Variants in ADAMTSL4 observed in about 807,000 individuals in gnomAD.
ADAMTSL4 encodes the protein ADAMTS-like protein 4.
In ADAMTSL4, 97 loss-of-function variants were observed where a neutral mutation model predicts 122.8. That is an observed-to-expected ratio of 0.79 (90% confidence interval 0.67 to 0.93). The LOEUF is 0.93. Among genes scored for constraint, ADAMTSL4 ranks in the 40% least tolerant of loss-of-function variants. ADAMTSL4 has a pLI of 0.00. For synonymous variants in ADAMTSL4, 592 were observed against 568.0 expected, an observed-to-expected ratio of 1.04 and a Z score of -0.60; for missense variants, 1,408 against 1,453.5, an observed-to-expected ratio of 0.97 and a Z score of 0.51.
chr1:150,559,543 C>A lies in ADAMTSL4; in HGVS notation c.2943+77C>A. 1 of 1,592,382 alleles carries A rather than the reference C, an allele frequency of 6.3e-7. No homozygotes were observed. The highest frequency in any genetic ancestry group is 8.6e-7 in the Non-Finnish European group (1 of 1,169,410). ...AGGGGAGCTCCTCTCGCTGTACCCC[C>A]TCCAGGTCTCTCTGTGCCCCAGAAT... On this transcript the variant is annotated intron_variant, in intron 17 of 18. Transcript: ENST00000271643. The surrounding 1 kb of genome is among the most constrained non-coding windows in gnomAD (Gnocchi z 4.1).
In ADAMTSL4 at chr1:150,550,490, G is replaced by A. The variant is rs1234812227; in HGVS notation, c.-85+595G>A. On this transcript the variant is annotated intron_variant, in intron 2 of 18. Transcript: ENST00000271643. ...GGGATTATGTGTACTGGGTAGACCCGTGGAGAGGGGCTGCGAGAAGAGATC... is the reference window on the plus strand; with the variant it reads ...GGGATTATGTGTACTGGGTAGACCCATGGAGAGGGGCTGCGAGAAGAGATC... 8 of 370,086 alleles carry A rather than the reference G, an allele frequency of 2.2e-5. No individual in the cohort carries two copies. The East Asian group carries it at 5.8e-4, about 27-fold the overall frequency. 22.9% of individuals were successfully genotyped at this position (370,086 alleles called of 1,614,324 possible).
Position 150,557,131 on chromosome 1 carries a change from C to CGCCT in ADAMTSL4, c.1862-16_1862-13dup. On this transcript the variant is annotated intron_variant, in intron 11 of 18. Coordinates refer to ENST00000271643, the MANE Select transcript of ADAMTSL4 (RefSeq NM_019032.6). ...CGGGGCAGTGGGGTGGCATCTGATTCGCCTGCTCCCCTGCACAGAGATTCT... is the reference window on the plus strand; with the variant it reads ...CGGGGCAGTGGGGTGGCATCTGATTCGCCTGCCTGCTCCCCTGCACAGAGATTCT... 6.2e-7 allele frequency: 1 copy of CGCCT among 1,612,820 alleles called. No individual in the cohort carries two copies. The highest frequency in any genetic ancestry group is 8.5e-7 in the Non-Finnish European group (1 of 1,179,868).
At chr1:150,550,755 C>T (rs1001041115) in intron 2 of ADAMTSL4, 6 of 456,242 alleles carry the variant, frequency 1.3e-5, no homozygotes, top group South Asian at 6.2e-5. Context: ...GAGTGGCCAT[C>T]GGCAACCCCC....
Position 150,553,548 on chromosome 1 carries a change from T to G in ADAMTSL4, c.557T>G (p.Ile186Ser), listed in dbSNP as rs777763049. 5.0e-6 allele frequency: 8 copies of G among 1,613,684 alleles called. No homozygotes were observed. The highest frequency in any genetic ancestry group is 5.9e-6 in the Non-Finnish European group (7 of 1,179,914). The change falls in exon 6 of 19, where the codon ATC becomes AGC. Residue 186 changes from isoleucine (I) to serine (S), a missense_variant. Physicochemically the swap from Ile to Ser is moderately radical, Grantham distance 142. Transcript: ENST00000271643. ...RSPPRSELSL[I>S]SSRGEEAIPS... ...CCACCCAGATCTGAGCTGTCCCTGA[T>G]CTCTTCTAGAGGGGAAGAGGCTATT...
In ADAMTSL4 at chr1:150,560,169, G is replaced by C; in HGVS notation, c.3198G>C (p.Leu1066=). 1 of 1,614,026 alleles carries C rather than the reference G, an allele frequency of 6.2e-7. No homozygotes were observed. Among genetic ancestry groups the C allele is most frequent in the Non-Finnish European group, 8.5e-7 (1 of 1,180,008 alleles). ...GTTGCCGCTCTTGCGCACATGTCCT[G>C]GAGCGGTCTCCCCAGGATCCCTCCT... The part of the protein sequence containing the change: ...ATCCRSCAHV[L]ERSPQDPS The change falls in exon 19 of 19, where the codon CTG becomes CTC. Residue 1066 remains leucine (L), a synonymous_variant. Transcript: ENST00000271643.
At position 150,552,496 on chromosome 1, in the gene ADAMTSL4, C is replaced by G. The variant is rs766968899; in HGVS notation, c.21-47C>G. 6.2e-7 allele frequency: 1 copy of G among 1,612,098 alleles called. No individual in the cohort carries two copies. The highest frequency in any genetic ancestry group is 8.5e-7 in the Non-Finnish European group (1 of 1,178,366). On this transcript the variant is annotated intron_variant, in intron 3 of 18. Coordinates refer to ENST00000271643, the MANE Select transcript of ADAMTSL4 (RefSeq NM_019032.6). This position sits in a 1 kb window ranked among gnomAD's most constrained non-coding sequence, Gnocchi z 4.0. Reference sequence around the variant, plus strand: ...GGGCGGAGGGCAGTGTTGCAACACCCCCTCTGGCTCCAGTCTGACGTCCCT... The same window carrying G: ...GGGCGGAGGGCAGTGTTGCAACACCGCCTCTGGCTCCAGTCTGACGTCCCT...
chr1:150,558,004 G>A lies in ADAMTSL4; in HGVS notation c.2237G>A (p.Arg746His), dbSNP rs754966903. The change falls in exon 14 of 19, where the codon CGC (arginine) becomes CAC (histidine). Residue 746 changes from arginine (R) to histidine (H), a missense_variant. Physicochemically the swap from Arg to His is conservative, Grantham distance 29. Coordinates refer to ENST00000271643, the MANE Select transcript of ADAMTSL4 (RefSeq NM_019032.6). ...SRSCGPGTQHRQLQCRQEFGG... is the reference protein window; with the variant it reads ...SRSCGPGTQHHQLQCRQEFGG... ...TCCTGTGGCCCCGGCACCCAGCACC[G>A]CCAGCTGCAGTGCCGGCAGGAATTT... The A allele has an allele frequency of 1.2e-5, 19 of 1,612,008 alleles. No individual in the cohort carries two copies. The highest frequency in any genetic ancestry group is 9.9e-5 in the South Asian group (9 of 91,054).
chr1:150,552,948 C>T lies in ADAMTSL4; in HGVS notation c.129C>T (p.Pro43=), dbSNP rs587760979. 8.7e-6 allele frequency: 14 copies of T among 1,613,118 alleles called. No individual in the cohort carries two copies. The African/African-American group carries it at 1.5e-4, about 17-fold the overall frequency. ...LQTPTEEGQG[P]EGVWGPWVQW... Reference sequence around the variant, plus strand: ...CACCTACAGAGGAGGGCCAGGGCCCCGAAGGTGTCTGGGGACCTTGGGTCC... The same window carrying T: ...CACCTACAGAGGAGGGCCAGGGCCCTGAAGGTGTCTGGGGACCTTGGGTCC... Residue 43 remains proline, a synonymous_variant, in exon 5 of 19, where the codon CCC becomes CCT. Transcript: ENST00000271643. The surrounding 1 kb of genome is among the most constrained non-coding windows in gnomAD (Gnocchi z 4.0).
Position 150,554,471 on chromosome 1 carries a change from A to T in ADAMTSL4, c.1234+4A>T, listed in dbSNP as rs770204797. 6.2e-7 allele frequency: 1 copy of T among 1,614,032 alleles called. No homozygotes were observed. Among genetic ancestry groups the T allele is most frequent in the Non-Finnish European group, 8.5e-7 (1 of 1,180,000 alleles). ...CAGTGGGAGCCCTTCACTGAAGGTG[A>T]GGTTTCTTGCTCACCCCTGGGCAGT... is the stretch of plus-strand genomic sequence containing the variant. On this transcript the variant is annotated splice_donor_region_variant and intron_variant, in intron 7 of 18. Coordinates refer to ENST00000271643, the MANE Select transcript of ADAMTSL4 (RefSeq NM_019032.6). This position sits in a 1 kb window ranked among gnomAD's most constrained non-coding sequence, Gnocchi z 4.0.
In ADAMTSL4 at chr1:150,556,775, CCAGCCTGTGGATGT is replaced by C; in HGVS notation, c.1733_1746del (p.Gln578LeufsTer25). 1 of 1,613,310 alleles carries C rather than the reference CCAGCCTGTGGATGT, an allele frequency of 6.2e-7. No individual in the cohort carries two copies. Among genetic ancestry groups the C allele is most frequent in the Non-Finnish European group, 8.5e-7 (1 of 1,179,400 alleles). On this transcript the variant is annotated frameshift_variant, in exon 10 of 19. Transcript: ENST00000271643. LOFTEE classifies it high-confidence loss of function. This position sits in a 1 kb window ranked among gnomAD's most constrained non-coding sequence, Gnocchi z 4.1. Reference sequence around the variant, plus strand: ...GTCTGTCGGCTGAAGGCCCCACCACCCAGCCTGTGGATGTCTATGTGAGCCTGGGGCCAGGGGCA... The same window carrying C: ...GTCTGTCGGCTGAAGGCCCCACCACCCTATGTGAGCCTGGGGCCAGGGGCA...
At position 150,557,197 on chromosome 1, in the gene ADAMTSL4, C is replaced by T. The variant is rs138536216; in HGVS notation, c.1909C>T (p.Arg637Trp). The T allele has an allele frequency of 2.1e-4, 346 of 1,611,924 alleles. 1 individual carries two copies. Among genetic ancestry groups the T allele is most frequent in the Middle Eastern group, 3.3e-4 (2 of 5,984 alleles). Residue 637 changes from arginine (R) to tryptophan (W), a missense_variant, in exon 12 of 19, where the codon CGG becomes TGG. Arg to Trp is a moderately radical substitution (Grantham distance 101). Coordinates refer to ENST00000271643, the MANE Select transcript of ADAMTSL4 (RefSeq NM_019032.6). Reference protein sequence around the residue: ...PPLAPAPRPARTPGTLQRQVR... With the variant: ...PPLAPAPRPAWTPGTLQRQVR... ...ACTTGCTCCGGCACCCCGCCCAGCC[C>T]GGACCCCAGGCACCCTCCAGCGTCA... is the stretch of plus-strand genomic sequence containing the variant.
chr1:150,550,916 A>C, intron 2 of ADAMTSL4: 1 of 456,396 alleles, frequency 2.2e-6, no homozygotes, highest in Non-Finnish European at 4.4e-6. Context: ...TTTCTGCCCC[A>C]GAGCTGGCCC....
In ADAMTSL4 at chr1:150,550,726, C is replaced by A. The variant is rs1429678469; in HGVS notation, c.-85+831C>A. 17 of 456,276 alleles carry A rather than the reference C, an allele frequency of 3.7e-5. No homozygotes were observed. In the East Asian group the frequency reaches 1.1e-3, roughly 30 times the overall value. The allele number at this position is 456,276 out of a possible 1,614,324, so 28.3% of individuals were successfully genotyped here. A position where few individuals can be genotyped will look rare whatever the true frequency, so the allele number is the denominator to read the frequency against. ...AGGGTGGAGTTGCTGACCTTAGTGG[C>A]CGGCCCAGCCAGGGGAAGGAGTGGC... On this transcript the variant is annotated intron_variant, in intron 2 of 18. Transcript: ENST00000271643.
chr1:150,556,893 C>T lies in ADAMTSL4; in HGVS notation c.1750-46C>T. ...GATGGGAGAGAGAGCTGGTGGCATC[C>T]TCTTCTGGCCACCCCCACATATTCA... On this transcript the variant is annotated intron_variant, in intron 10 of 18. Coordinates refer to ENST00000271643, the MANE Select transcript of ADAMTSL4 (RefSeq NM_019032.6). This position sits in a 1 kb window ranked among gnomAD's most constrained non-coding sequence, Gnocchi z 4.1. 1 of 1,606,824 alleles carries T rather than the reference C, an allele frequency of 6.2e-7. No individual in the cohort carries two copies. The highest frequency in any genetic ancestry group is 1.1e-5 in the South Asian group (1 of 90,938).
chr1:150,560,693 C>T lies in ADAMTSL4; in HGVS notation c.*497C>T, dbSNP rs1437960690. The T allele has an allele frequency of 5.9e-6, 1 of 170,392 alleles. No individual in the cohort carries two copies. Among genetic ancestry groups the T allele is most frequent in the Non-Finnish European group, 1.3e-5 (1 of 77,678 alleles). 10.6% of individuals were successfully genotyped at this position (170,392 alleles called of 1,614,324 possible). On this transcript the variant is annotated 3_prime_UTR_variant, in exon 19 of 19. Coordinates refer to ENST00000271643, the MANE Select transcript of ADAMTSL4 (RefSeq NM_019032.6). ...TCTCATTTGCCTAGTATCTCTGCCC[C>T]TGCCTCCCTAATTAGCTAGGGCTGG...
chr1:150,559,089 G>A lies in ADAMTSL4; in HGVS notation c.2687G>A (p.Arg896Gln), dbSNP rs143576162. The A allele has an allele frequency of 5.6e-4, 906 of 1,612,828 alleles. 1 individual carries two copies. Among genetic ancestry groups the A allele is most frequent in the Non-Finnish European group, 7.1e-4 (838 of 1,179,958 alleles). Residue 896 changes from arginine to glutamine, a missense_variant, in exon 16 of 19, where the codon CGG (arginine) becomes CAG (glutamine). Arg to Gln is a conservative substitution (Grantham distance 43, BLOSUM62 1). Coordinates refer to ENST00000271643, the MANE Select transcript of ADAMTSL4 (RefSeq NM_019032.6). This position sits in a 1 kb window ranked among gnomAD's most constrained non-coding sequence, Gnocchi z 4.1. ...GTGQSCPTGS[R>Q]PPDMRACSLG... ...GGGCAGAGCTGTCCAACAGGAAGCC[G>A]GCCCCCTGACATGCGCGCCTGCAGC...
chr1:150,558,700 G>A (rs1672476040), intron 15 of ADAMTSL4, 51 bp downstream of exon 15: 3 of 1,613,376 alleles, frequency 1.9e-6, no homozygotes, highest in Non-Finnish European at 2.5e-6. Flanking sequence ...ACCACGCCCA[G>A]GACACCTCAG....
chr1:150,553,245 G>T lies in ADAMTSL4; in HGVS notation c.426G>T (p.Ala142=). The T allele has an allele frequency of 6.2e-7, 1 of 1,609,436 alleles. No homozygotes were observed. The highest frequency in any genetic ancestry group is 8.5e-7 in the Non-Finnish European group (1 of 1,177,748). ...GAGAGGAGACCCAGGAGATTCGAGC[G>T]GCCAGGAGGTGAGAGGCCTGGGTGG... ...LGREETQEIR[A]ARRSRLRDPI... Residue 142 remains alanine, a synonymous_variant, in exon 5 of 19, where the codon GCG becomes GCT. Coordinates refer to ENST00000271643, the MANE Select transcript of ADAMTSL4 (RefSeq NM_019032.6).
Position 150,553,254 on chromosome 1 carries a change from G to A in ADAMTSL4, c.434+1G>A, listed in dbSNP as rs1671623546. 3 of 1,610,446 alleles carry A rather than the reference G, an allele frequency of 1.9e-6. No individual in the cohort carries two copies. Among genetic ancestry groups the A allele is most frequent in the Non-Finnish European group, 2.5e-6 (3 of 1,178,248 alleles). On this transcript the variant is annotated splice_donor_variant, in intron 5 of 18. Transcript: ENST00000271643. LOFTEE classifies it high-confidence loss of function. ...CCCAGGAGATTCGAGCGGCCAGGAG[G>A]TGAGAGGCCTGGGTGGAAGAGGTGG... is the stretch of plus-strand genomic sequence containing the variant.
Sources: gnomAD v4.1 joint callset for allele counts on GRCh38, gnomAD v4.1.1 for gene constraint, Gnocchi (gnomAD v3.1) non-coding constraint, MANE v1.5 for transcripts, NCBI Gene and HGNC (gene_info 2026-07-23, HGNC 2026-07-21) for gene names.